The following SUGCT variants were observed in gnomAD, a reference collection of about 807,000 sequenced individuals.
The protein encoded by SUGCT is succinyl-CoA:glutarate-CoA transferase.
A neutral mutation model predicts 55.0 loss-of-function variants in SUGCT; 41 were observed. The ratio of observed to expected loss-of-function variants is 0.74; its 90% CI spans 0.58 to 0.97. The LOEUF (loss-of-function observed/expected upper bound fraction) is 0.97. SUGCT is among the 50% of genes least tolerant of loss of function. SUGCT has a pLI of 0.00. For synonymous variants in SUGCT, 187 were observed against 200.4 expected (o/e 0.93, Z 0.56); for missense variants, 568 against 547.8 (o/e 1.04, Z -0.37).
intron 13 of SUGCT, among the ~76,000 whole-genome samples, chr7:40,781,865 G>A (rs781220465): frequency 2.0e-5 from 3 of 151,688 alleles, no homozygotes; most frequent in Non-Finnish European, 2.9e-5. Context: ...CTTGTTATTC[G>A]TCTAAAATTC....
intron 9 of SUGCT, among the ~76,000 whole-genome samples, chr7:40,430,216 A>G (rs894716640): frequency 1.3e-5 from 2 of 152,140 alleles, no homozygotes; most frequent in African/African-American, 2.4e-5. Flanking sequence ...TGCTAGTTCT[A>G]TTTTTAATTT....
intron 9 of SUGCT, among the ~76,000 whole-genome samples, chr7:40,434,000 A>G (rs7782940): frequency 0.96 from 145,614 of 152,194 alleles, 70,002 homozygotes; most frequent in East Asian, 1. Flanking sequence ...TACATACCAC[A>G]TATGTTATTA....
chr7:40,450,459 A>G (rs1368409067), intron 10 of SUGCT, among the ~76,000 whole-genome samples: 1 of 147,636 alleles, frequency 6.8e-6, no homozygotes, highest in Non-Finnish European at 1.5e-5. Flanking sequence ...AAATTTTACC[A>G]TGAGCTTTCA....
At chr7:40,893,278 C>G in the SUGCT span, among the ~76,000 whole-genome samples, 1 of 152,094 alleles carries the variant, frequency 6.6e-6, no homozygotes, top group Non-Finnish European at 1.5e-5. Flanking sequence ...GGAGAGAAAA[C>G]CAGTAAGGAA....
the SUGCT span, among the ~76,000 whole-genome samples, chr7:40,923,802 T>A: frequency 6.6e-6 from 1 of 152,226 alleles, no homozygotes; most frequent in Admixed American, 6.5e-5. Context: ...ATTTCTTTAG[T>A]GTCAGTTGAG....
chr7:40,958,150 C>T, the SUGCT span, among the ~76,000 whole-genome samples: 1 of 152,028 alleles, frequency 6.6e-6, no homozygotes, highest in Admixed American at 6.6e-5. Context: ...TGGGGTTGCT[C>T]TTCTTAAAGA....
At chr7:40,954,186 C>T in the SUGCT span, among the ~76,000 whole-genome samples, 1 of 152,220 alleles carries the variant, frequency 6.6e-6, no homozygotes, top group Non-Finnish European at 1.5e-5. Flanking sequence ...TGCTGCCTTG[C>T]AGTTTGATCT....
chr7:40,543,488 TG>T (rs1794815842), intron 12 of SUGCT, among the ~76,000 whole-genome samples: 1 of 152,240 alleles, frequency 6.6e-6, no homozygotes, highest in African/African-American at 2.4e-5. Flanking sequence ...GCCGTACATC[TG>T]TTTAACATCT....
intron 6 of SUGCT, among the ~76,000 whole-genome samples, chr7:40,225,318 GTAAT>G (rs1788274322): frequency 6.6e-6 from 1 of 152,082 alleles, no homozygotes; most frequent in Non-Finnish European, 1.5e-5. Context: ...TAGATGCTGT[GTAAT>G]TAATCAGCCA....
At chr7:40,377,987 A>G (rs1424063259) in intron 9 of SUGCT, among the ~76,000 whole-genome samples, 2 of 152,174 alleles carry the variant, frequency 1.3e-5, no homozygotes, top group African/African-American at 4.8e-5. Flanking sequence ...GTTGTATGTA[A>G]TGAATTGCTT....
chr7:40,342,825 T>C (rs1333882779), intron 9 of SUGCT, among the ~76,000 whole-genome samples: 1 of 152,082 alleles, frequency 6.6e-6, no homozygotes, highest in Non-Finnish European at 1.5e-5. Flanking sequence ...GTATTTTTAG[T>C]AGAGATGGGG....
In SUGCT at chr7:40,259,281, T is replaced by A. The variant is rs554732605; in HGVS notation, c.577-15232T>A. ...ACTTAATGTACAGTTGACCCTTGGA[T>A]AACATGAATTTGAGCTGTGCGGGCC... On this transcript the variant is annotated intron_variant, in intron 7 of 13. Transcript: ENST00000335693. 3.3e-5 allele frequency among the ~76,000 whole-genome samples: 5 copies of A among 152,302 alleles called. No individual in the cohort carries two copies. The East Asian group carries it at 5.8e-4, about 18-fold the overall frequency.
intron 9 of SUGCT, among the ~76,000 whole-genome samples, chr7:40,367,908 C>T (rs1314029054): frequency 1.3e-5 from 2 of 152,170 alleles, no homozygotes; most frequent in Non-Finnish European, 2.9e-5. Context: ...CCTCTCCATC[C>T]ATGCCTCCCA....
chr7:40,564,219 CA>C (rs1322438223), intron 12 of SUGCT, among the ~76,000 whole-genome samples: 9 of 151,966 alleles, frequency 5.9e-5, no homozygotes, highest in African/African-American at 2.2e-4. Context: ...TAAAAAAATA[CA>C]AAAAAATTAG....
intron 12 of SUGCT, among the ~76,000 whole-genome samples, chr7:40,697,790 G>A (rs755537409): frequency 1.3e-5 from 2 of 152,160 alleles, no homozygotes; most frequent in Non-Finnish European, 2.9e-5. Flanking sequence ...TTCCTTCACC[G>A]TGGTCTGAGA....
chr7:40,854,044 T>C (rs1333736135), intron 13 of SUGCT, among the ~76,000 whole-genome samples: 1 of 152,216 alleles, frequency 6.6e-6, no homozygotes, highest in Non-Finnish European at 1.5e-5. Flanking sequence ...TGAATGTTCT[T>C]AGCATCAAGG....
chr7:40,194,893 G>A, intron 5 of SUGCT, 47 bp from the exon 6 acceptor site: 1 of 1,578,520 alleles, frequency 6.3e-7, no homozygotes, highest in Non-Finnish European at 8.6e-7. Context: ...CTATCATGTG[G>A]GGATTTGTTG....
chr7:40,155,850 C>A (rs1268976982), intron 1 of SUGCT, among the ~76,000 whole-genome samples: 1 of 150,736 alleles, frequency 6.6e-6, no homozygotes, highest in Non-Finnish European at 1.5e-5. Context: ...CTTAGGATAC[C>A]TAAGATTTTT....
chr7:40,443,479 A>C (rs1003295108), intron 9 of SUGCT, among the ~76,000 whole-genome samples: 3 of 152,148 alleles, frequency 2.0e-5, no homozygotes, highest in South Asian at 4.1e-4. Context: ...GCCAGTGATG[A>C]TGAGCATTTT....
Sources: gnomAD v4.1 joint callset for allele counts (sites outside exome capture counted in the v4.1 genomes callset) on GRCh38, gnomAD v4.1.1 for gene constraint, MANE v1.5 for transcripts, NCBI Gene and HGNC (gene_info 2026-07-23, HGNC 2026-07-21) for gene names.